Variants in STXBP2 observed in about 807,000 individuals in gnomAD.
STXBP2 encodes the protein syntaxin-binding protein 2.
STXBP2 carries 47 observed loss-of-function variants against 72.2 expected under a neutral mutation model. That is an observed-to-expected ratio of 0.65 (90% confidence interval 0.51 to 0.83). The LOEUF (loss-of-function observed/expected upper bound fraction) is 0.83. STXBP2 is among the 40% of genes least tolerant of loss of function. STXBP2 has a pLI of 0.00. For synonymous variants in STXBP2, 367 were observed against 338.7 expected (o/e 1.08, Z -0.92); for missense variants, 702 against 807.6 (o/e 0.87, Z 1.58).
chr19:7,637,219 C>T (rs2031578170), intron 1 of STXBP2, 33 bp downstream of exon 1: 3 of 1,238,126 alleles, frequency 2.4e-6, no homozygotes, highest in Admixed American at 4.2e-5. Context: ...GCTCTGGCGT[C>T]CGGTGTGGGA....
chr19:7,642,849 G>A lies in STXBP2; in HGVS notation c.960+26G>A. On this transcript the variant is annotated intron_variant, in intron 11 of 18. Coordinates refer to ENST00000221283, the MANE Select transcript of STXBP2 (RefSeq NM_006949.4). This position sits in a 1 kb window ranked among gnomAD's most constrained non-coding sequence, Gnocchi z 6.0. ...GTAGGGGCGGACCCAGGTCACCAAA[G>A]GCGCTGGTGGAAGGAAGCCCCCCTC... The A allele has an allele frequency of 6.2e-7, 1 of 1,614,120 alleles. No homozygotes were observed. The highest frequency in any genetic ancestry group is 8.5e-7 in the Non-Finnish European group (1 of 1,180,018).
At chr19:7,639,478 G>T in intron 3 of STXBP2, 2 of 582,674 alleles carry the variant, frequency 3.4e-6, no homozygotes, top group Non-Finnish European at 6.2e-6. Flanking sequence ...TTGAGGGATA[G>T]GTGCTGAGGG....
rs1363310511 is a variant in STXBP2, at chr19:7,644,606, G to A, written c.1108-8G>A. ...GCGGCCGGTGGACGGCTGACCCCATGCCCGCAGGACCTGGCCATGGGCTCC... is the reference window on the plus strand; with the variant it reads ...GCGGCCGGTGGACGGCTGACCCCATACCCGCAGGACCTGGCCATGGGCTCC... On this transcript the variant is annotated splice_polypyrimidine_tract_variant and splice_region_variant and intron_variant, in intron 13 of 18. Transcript: ENST00000221283. 2 of 1,611,522 alleles carry A rather than the reference G, an allele frequency of 1.2e-6. No homozygotes were observed. The highest frequency in any genetic ancestry group is 1.7e-4 in the Middle Eastern group (1 of 6,058).
At chr19:7,630,660 G>A in the STXBP2 span, 59 of 1,536,922 alleles carry the variant, frequency 3.8e-5, no homozygotes, top group Non-Finnish European at 5.1e-5. Context: ...ACAGCGCAAG[G>A]TGGGCATAAG....
At chr19:7,636,300 G>A (rs908720913), upstream of STXBP2, 1 of 152,152 alleles carries the variant, frequency 6.6e-6, no homozygotes, top group African/African-American at 2.4e-5. Flanking sequence ...TTTTGTATGG[G>A]TGCTGCTGGG....
At chr19:7,640,208 G>A (rs2031770288) in intron 4 of STXBP2, 1 of 546,596 alleles carries the variant, frequency 1.8e-6, no homozygotes, top group African/African-American at 2.0e-5. Flanking sequence ...GCGTGTGTAT[G>A]TATGTGTCTG....
In STXBP2 at chr19:7,641,409, C is replaced by T. The variant is rs754158803; in HGVS notation, c.430-296C>T. On this transcript the variant is annotated intron_variant, in intron 6 of 18. Transcript: ENST00000221283. ...AGTAAAATTTTAAAAAGGGGAGGTA[C>T]CCACAGAGTCCAAGGAGCTCTTGCC... is the stretch of plus-strand genomic sequence containing the variant. 4.6e-5 allele frequency among the ~76,000 whole-genome samples: 7 copies of T among 152,236 alleles called. No individual in the cohort carries two copies. The South Asian group carries it at 1.0e-3, about 23-fold the overall frequency.
At chr19:7,632,983 T>G, upstream of STXBP2, 1 of 1,435,950 alleles carries the variant, frequency 7.0e-7, no homozygotes, top group Non-Finnish European at 9.1e-7. This position sits in a 1 kb window ranked among gnomAD's most constrained non-coding sequence, Gnocchi z 5.2. Context: ...TCTGCAGAGC[T>G]GTTCTGAATG....
At chr19:7,632,271 A>C, upstream of STXBP2, 2 of 1,446,534 alleles carry the variant, frequency 1.4e-6, no homozygotes, top group South Asian at 1.3e-5. The surrounding 1 kb of genome is among the most constrained non-coding windows in gnomAD (Gnocchi z 5.2). Context: ...TCCCATCTGA[A>C]GTCAGGGCAG....
chr19:7,642,689 G>A lies in STXBP2; in HGVS notation c.903-77G>A, dbSNP rs2031942681. 46 of 1,507,592 alleles carry A rather than the reference G, an allele frequency of 3.1e-5. 2 individuals are homozygous for A. The South Asian group carries it at 5.0e-4, about 16-fold the overall frequency. The allele number at this position is 1,507,592 out of a possible 1,614,324, so 93.4% of individuals were successfully genotyped here. A position where few individuals can be genotyped will look rare whatever the true frequency, so the allele number is the denominator to read the frequency against. On this transcript the variant is annotated intron_variant, in intron 10 of 18. Coordinates refer to ENST00000221283, the MANE Select transcript of STXBP2 (RefSeq NM_006949.4). This position sits in a 1 kb window ranked among gnomAD's most constrained non-coding sequence, Gnocchi z 6.0. Reference sequence around the variant, plus strand: ...CTCCAATTTCACCCCACCTCTCCCTGTCCCCCCTGAGTGGGCTCACCCATG... The same window carrying A: ...CTCCAATTTCACCCCACCTCTCCCTATCCCCCCTGAGTGGGCTCACCCATG...
intron 4 of STXBP2, chr19:7,640,070 G>A (rs532345537): frequency 2.9e-4 from 182 of 629,012 alleles, no homozygotes; most frequent in African/African-American, 2.5e-3. Flanking sequence ...GTGTGTATGC[G>A]TGTGTGTCTG....
chr19:7,641,722 T>C lies in STXBP2; in HGVS notation c.447T>C (p.Ala149=). ...PYEAQVFSLD[A]PHSTYNLYCP... ...TCGCCCAGGTGTTCTCCCTCGATGC[T>C]CCCCACAGCACCTACAACCTCTACT... Residue 149 remains alanine (A), a synonymous_variant, in exon 7 of 19, where the codon GCT becomes GCC. Transcript: ENST00000221283. 1 of 1,553,964 alleles carries C rather than the reference T, an allele frequency of 6.4e-7. No homozygotes were observed. The highest frequency in any genetic ancestry group is 8.7e-7 in the Non-Finnish European group (1 of 1,149,098).
chr19:7,640,530 GTA>G lies in STXBP2; in HGVS notation c.247-199_247-198del, dbSNP rs572879740. Reference sequence around the variant, plus strand: ...TGTGTGTGCATGTGTGCATGCGTGTGTATGTGTGTGTGCGTGCGTGCATCTGT... The same window carrying G: ...TGTGTGTGCATGTGTGCATGCGTGTGTGTGTGTGTGCGTGCGTGCATCTGT... On this transcript the variant is annotated intron_variant, in intron 4 of 18. Coordinates refer to ENST00000221283, the MANE Select transcript of STXBP2 (RefSeq NM_006949.4). 541 of 700,258 alleles carry G rather than the reference GTA, an allele frequency of 7.7e-4. 1 individual carries two copies. Among genetic ancestry groups the G allele is most frequent in the Non-Finnish European group, 1.2e-3 (454 of 388,400 alleles). 43.4% of individuals were successfully genotyped at this position (700,258 alleles called of 1,614,324 possible).
upstream of STXBP2, chr19:7,632,505 G>C (rs1374512816): frequency 6.2e-7 from 1 of 1,613,400 alleles, no homozygotes; most frequent in Admixed American, 1.7e-5. This position sits in a 1 kb window ranked among gnomAD's most constrained non-coding sequence, Gnocchi z 5.2. Flanking sequence ...CATCTCGGGG[G>C]TGGGGTCGCT....
Position 7,642,441 on chromosome 19 carries a change from C to CG in STXBP2, c.810dup (p.Leu271AlafsTer16), listed in dbSNP as rs1389262042. ...CCTTCCTCCCCAGGTATGAGACCAC[C>CG]GGGCTGAGCGAGGCGCGGGAGAAGG... On this transcript the variant is annotated frameshift_variant, in exon 10 of 19. Coordinates refer to ENST00000221283, the MANE Select transcript of STXBP2 (RefSeq NM_006949.4). LOFTEE classifies it high-confidence loss of function. The surrounding 1 kb of genome is among the most constrained non-coding windows in gnomAD (Gnocchi z 6.0). 6.2e-7 allele frequency: 1 copy of CG among 1,613,940 alleles called. No homozygotes were observed. The highest frequency in any genetic ancestry group is 8.5e-7 in the Non-Finnish European group (1 of 1,180,020).
At chr19:7,641,081 G>GCGCCCAGCCTC in intron 6 of STXBP2, 78 bp downstream of exon 6, 1 of 1,475,860 alleles carries the variant, frequency 6.8e-7, no homozygotes, top group Non-Finnish European at 9.3e-7. Context: ...AACAGACACT[G>GCGCCCAGCCTC]AGGCTGGGCG....
Position 7,641,860 on chromosome 19 carries a change from A to AGCCCC in STXBP2, c.578+7_578+8insGCCCC. The AGCCCC allele has an allele frequency of 1.3e-6, 2 of 1,549,018 alleles. No homozygotes were observed. The highest frequency in any genetic ancestry group is 1.7e-6 in the Non-Finnish European group (2 of 1,146,670). ...CGGCCATCCGCTACCGCAAGTGGGG[A>AGCCCC]CCCCACCCAGCCCCACCCCGATGCC... On this transcript the variant is annotated splice_region_variant and intron_variant, in intron 7 of 18. Coordinates refer to ENST00000221283, the MANE Select transcript of STXBP2 (RefSeq NM_006949.4).
At chr19:7,632,848 C>G, upstream of STXBP2, 2 of 1,543,146 alleles carry the variant, frequency 1.3e-6, no homozygotes, top group Non-Finnish European at 1.7e-6. The surrounding 1 kb of genome is among the most constrained non-coding windows in gnomAD (Gnocchi z 5.2). Context: ...CAGACTCGCT[C>G]AGTCTGGTTG....
chr19:7,640,284 CTG>C (rs767022371), intron 4 of STXBP2: 41 of 518,784 alleles, frequency 7.9e-5, no homozygotes, highest in African/African-American at 2.4e-4. Context: ...GTATGTGCAT[CTG>C]TGTGCATGTG....
Sources: allele counts gnomAD v4.1 joint callset (sites outside exome capture counted in the v4.1 genomes callset), GRCh38; gene constraint gnomAD v4.1.1; non-coding constraint Gnocchi (gnomAD v3.1); transcripts MANE v1.5; gene names NCBI Gene and HGNC (gene_info 2026-07-23, HGNC 2026-07-21).